TIAM1: variants seen among roughly 807,000 people sequenced by gnomAD.
TIAM1 encodes the protein rho guanine nucleotide exchange factor TIAM1.
In TIAM1, 65 loss-of-function variants were observed where a neutral mutation model predicts 163.5. The observed-to-expected ratio is 0.40, with a 90% CI of 0.33 to 0.49. The LOEUF is 0.49. TIAM1 is among the 20% of genes least tolerant of loss of function. TIAM1 has a pLI of 0.77. For synonymous variants in TIAM1, 833 were observed against 810.1 expected, an observed-to-expected ratio of 1.03 and a Z score of -0.48; for missense variants, 1,789 against 2,044.7, an observed-to-expected ratio of 0.87 and a Z score of 2.41.
chr21:31,253,000 C>T (rs2071899723), intron 4 of TIAM1, among the ~76,000 whole-genome samples: 1 of 152,230 alleles, frequency 6.6e-6, no homozygotes, highest in Non-Finnish European at 1.5e-5. Flanking sequence ...GTATCAGTTC[C>T]CAGTTTAAAA....
Position 31,442,084 on chromosome 21 carries a change from T to TATATATATATATATATATAG in TIAM1, c.-369+21898_-369+21899insCTATATATATATATATATAT, listed in dbSNP as rs1389424801. Among the ~76,000 whole-genome samples, 8 of 122,686 alleles carry TATATATATATATATATATAG rather than the reference T, an allele frequency of 6.5e-5. 1 individual carries two copies. The highest frequency in any genetic ancestry group is 2.5e-4 in the African/African-American group (8 of 32,080). 80.5% of individuals were successfully genotyped at this position (122,686 alleles called of 152,430 possible). ...ACAAATAAATAAATATATATATATA[T>TATATATATATATATATATAG]ATAGAACAATAAGGGTATTGTAACA... On this transcript the variant is annotated intron_variant, in intron 2 of 28. Coordinates refer to the TIAM1 transcript ENST00000286827.
chr21:31,222,533 C>T (rs2087616511), intron 8 of TIAM1, among the ~76,000 whole-genome samples: 1 of 151,600 alleles, frequency 6.6e-6, no homozygotes, highest in Non-Finnish European at 1.5e-5. Context: ...AGTTCTTCGC[C>T]TTGCTCTAAT....
chr21:31,493,318 C>T (rs8127093), intron 1 of TIAM1, among the ~76,000 whole-genome samples: 43,982 of 151,944 alleles, frequency 0.29, 7,549 homozygotes, highest in African/African-American at 0.48. Flanking sequence ...AATACAGACA[C>T]ATATAACCTA....
At chr21:31,376,530 T>C (rs1269868319) in intron 2 of TIAM1, among the ~76,000 whole-genome samples, 4 of 152,282 alleles carry the variant, frequency 2.6e-5, no homozygotes, top group South Asian at 2.1e-4. Context: ...ATTTCCCTAA[T>C]TGCATTTTGC....
rs377002153 is a variant in TIAM1, at chr21:31,549,443, AATAG to A, written c.-422+9480_-422+9483del. Among the ~76,000 whole-genome samples the A allele has an allele frequency of 2.5e-4, 38 of 151,052 alleles. No individual in the cohort carries two copies. The East Asian group carries it at 3.9e-3, about 16-fold the overall frequency. On this transcript the variant is annotated intron_variant, in intron 1 of 28. Coordinates refer to the TIAM1 transcript ENST00000286827. The stretch of plus-strand genomic sequence containing the variant: ...TATTTGATAAGGGACTTATAACTAG[AATAG>A]ATAAAGAATTCTTACAACTTATTAA...
chr21:31,359,945 T>G (rs999895482), intron 2 of TIAM1, among the ~76,000 whole-genome samples: 2 of 151,214 alleles, frequency 1.3e-5, no homozygotes, highest in Non-Finnish European at 2.9e-5. Flanking sequence ...GGTTGGAAAT[T>G]TCCCAAAATG....
At chr21:31,538,959 G>C (rs1157136800) in intron 1 of TIAM1, among the ~76,000 whole-genome samples, 1 of 152,106 alleles carries the variant, frequency 6.6e-6, no homozygotes, top group African/African-American at 2.4e-5. Flanking sequence ...CATTTAAACA[G>C]GTGCCGTAAC....
chr21:31,364,875 G>C (rs1602102414), intron 2 of TIAM1, among the ~76,000 whole-genome samples: 1 of 152,144 alleles, frequency 6.6e-6, no homozygotes, highest in Admixed American at 6.5e-5. Context: ...TTTCTTTAAA[G>C]AATCAGATAA....
chr21:31,225,607 G>C, intron 7 of TIAM1, 119 bp downstream of exon 7: 1 of 774,504 alleles, frequency 1.3e-6, no homozygotes, highest in South Asian at 1.8e-5. Flanking sequence ...CATCCTGGAT[G>C]ACAGGCTGTC....
At position 31,336,488 on chromosome 21, in the gene TIAM1, CTTTTTTTTT is replaced by C. The variant is rs34052300; in HGVS notation, c.-189+2746_-189+2754del. Among the ~76,000 whole-genome samples, 3 of 125,472 alleles carry C rather than the reference CTTTTTTTTT, an allele frequency of 2.4e-5. No individual in the cohort carries two copies. The South Asian group carries it at 7.9e-4, about 33-fold the overall frequency. 82.3% of individuals were successfully genotyped at this position (125,472 alleles called of 152,430 possible). A position where few individuals can be genotyped will look rare whatever the true frequency, so the allele number is the denominator to read the frequency against. ...TAACAATTTTTAGAATTGCCCCTTG[CTTTTTTTTT>C]TTTTTTTTTTTTAGTTTTGCTCTTT... On this transcript the variant is annotated intron_variant, in intron 2 of 27. Coordinates refer to ENST00000541036, the MANE Select transcript of TIAM1 (RefSeq NM_001353694.2).
chr21:31,416,941 T>C lies in TIAM1; in HGVS notation c.-369+47042A>G, dbSNP rs145443681. Among the ~76,000 whole-genome samples, 293 of 152,392 alleles carry C rather than the reference T, an allele frequency of 1.9e-3. 2 individuals carry two copies. Among genetic ancestry groups the C allele is most frequent in the African/African-American group, 6.9e-3 (285 of 41,592 alleles). On this transcript the variant is annotated intron_variant, in intron 2 of 28. Transcript: ENST00000286827. The stretch of plus-strand genomic sequence containing the variant: ...GTCAAAGGAATGTCTTTAATGGGGA[T>C]GCTGCCTGTATTCATCTGTTTTGAC...
chr21:31,205,689 G>C (rs554022248), intron 11 of TIAM1, among the ~76,000 whole-genome samples: 1 of 152,324 alleles, frequency 6.6e-6, no homozygotes, highest in East Asian at 1.9e-4. Flanking sequence ...TTCTTGGCTG[G>C]GCATGGTGGC....
intron 2 of TIAM1, among the ~76,000 whole-genome samples, chr21:31,433,008 GT>G (rs2044095354): frequency 6.6e-6 from 1 of 152,176 alleles, no homozygotes; most frequent in Admixed American, 6.6e-5. Flanking sequence ...AGGGAAACAT[GT>G]AACAAATTTA....
chr21:31,345,432 T>C (rs950740526), upstream of TIAM1, among the ~76,000 whole-genome samples: 1 of 150,836 alleles, frequency 6.6e-6, no homozygotes, highest in Non-Finnish European at 1.5e-5. Context: ...CAAATATATA[T>C]GTATATATAT....
rs151070280 is a variant in TIAM1, at chr21:31,202,930, G to A, written c.2471C>T (p.Pro824Leu). 116 of 1,613,978 alleles carry A rather than the reference G, an allele frequency of 7.2e-5. No homozygotes were observed. Among genetic ancestry groups the A allele is most frequent in the Non-Finnish European group, 7.2e-5 (85 of 1,179,994 alleles). ...TACCAGCTCATAGATGTCTTCCTCGGGCTGTGGAACATAGAGCTGCATTTT... is the reference window on the plus strand; with the variant it reads ...TACCAGCTCATAGATGTCTTCCTCGAGCTGTGGAACATAGAGCTGCATTTT... ...ENKMQLYVPQPEEDIYELLYK... is the reference protein window; with the variant it reads ...ENKMQLYVPQLEEDIYELLYK... Residue 824 changes from proline (P) to leucine (L), a missense_variant, in exon 12 of 28, where the codon CCC (proline) becomes CTC (leucine). Physicochemically the swap from Pro to Leu is moderately conservative, Grantham distance 98. Coordinates refer to ENST00000541036, the MANE Select transcript of TIAM1 (RefSeq NM_001353694.2).
In TIAM1 at chr21:31,389,099, T is replaced by C. The variant is rs572794888; in HGVS notation, c.-368-49677A>G. Reference sequence around the variant, plus strand: ...ACATACGTGAATGGGTGTGGCTACATTCCAATAAAATTTTATTCGTGGATG... The same window carrying C: ...ACATACGTGAATGGGTGTGGCTACACTCCAATAAAATTTTATTCGTGGATG... On this transcript the variant is annotated intron_variant, in intron 2 of 28. Coordinates refer to the TIAM1 transcript ENST00000286827. Among the ~76,000 whole-genome samples, 14 of 152,372 alleles carry C rather than the reference T, an allele frequency of 9.2e-5. No individual in the cohort carries two copies. The East Asian group carries it at 2.7e-3, about 29-fold the overall frequency.
intron 9 of TIAM1, among the ~76,000 whole-genome samples, chr21:31,217,303 G>C (rs2087275213): frequency 1.3e-5 from 2 of 152,090 alleles, no homozygotes; most frequent in African/African-American, 4.8e-5. Context: ...GCTTTGAGTA[G>C]GTCTGTAATT....
chr21:31,300,230 G>A (rs1439703778), intron 2 of TIAM1, among the ~76,000 whole-genome samples: 1 of 152,138 alleles, frequency 6.6e-6, no homozygotes, highest in African/African-American at 2.4e-5. Flanking sequence ...ATGAATGGAA[G>A]TTTCCTAAGG....
intron 2 of TIAM1, among the ~76,000 whole-genome samples, chr21:31,295,294 C>T (rs1164965274): frequency 6.6e-6 from 1 of 151,998 alleles, no homozygotes; most frequent in South Asian, 2.1e-4. Flanking sequence ...CACGGTGAAA[C>T]CCCGTCTCTA....
Sources: gnomAD v4.1 joint callset for allele counts (sites outside exome capture counted in the v4.1 genomes callset) on GRCh38, gnomAD v4.1.1 for gene constraint, MANE v1.5 for transcripts, NCBI Gene and HGNC (gene_info 2026-07-23, HGNC 2026-07-21) for gene names.